ADAM10: variants seen among roughly 807,000 people sequenced by gnomAD.
ADAM10 encodes disintegrin and metalloproteinase domain-containing protein 10.
In ADAM10, 17 loss-of-function variants were observed where a neutral mutation model predicts 90.1. The observed-to-expected ratio is 0.19, with a 90% CI of 0.13 to 0.28. The LOEUF (loss-of-function observed/expected upper bound fraction) is 0.28. Ranked by LOEUF, ADAM10 falls within the 10% of genes least tolerant of loss-of-function variation. The probability of loss-of-function intolerance (pLI) is 1.00; values close to 1 mark genes in which losing one functional copy is unlikely to be tolerated. For synonymous variants in ADAM10, 310 were observed against 298.6 expected, an observed-to-expected ratio of 1.04 and a Z score of -0.40; for missense variants, 610 against 914.3, an observed-to-expected ratio of 0.67 and a Z score of 4.29.
At chr15:58,688,984 AATTTG>A (rs1897695278) in intron 2 of ADAM10, among the ~76,000 whole-genome samples, 1 of 151,310 alleles carries the variant, frequency 6.6e-6, no homozygotes, top group Non-Finnish European at 1.5e-5. Context: ...CAGAAAAAAA[AATTTG>A]ATAAAATGAT....
intron 2 of ADAM10, among the ~76,000 whole-genome samples, chr15:58,694,197 C>G (rs1897908397): frequency 6.6e-6 from 1 of 152,268 alleles, no homozygotes; most frequent in East Asian, 1.9e-4. Context: ...TGCCTATAAT[C>G]CCAGCACTCT....
chr15:58,721,229 G>C (rs1379133357), intron 1 of ADAM10, among the ~76,000 whole-genome samples: 1 of 152,058 alleles, frequency 6.6e-6, no homozygotes, highest in Non-Finnish European at 1.5e-5. Context: ...CACTTTCACT[G>C]GCAAAAGACC....
At chr15:58,665,497 C>A (rs560387544) in intron 4 of ADAM10, among the ~76,000 whole-genome samples, 131 of 152,160 alleles carry the variant, frequency 8.6e-4, no homozygotes, top group Middle Eastern at 3.4e-3. Flanking sequence ...TTGCATTCGG[C>A]TGTCACCAAG....
At chr15:58,691,222 T>C (rs769220677) in intron 2 of ADAM10, 46 of 843,418 alleles carry the variant, frequency 5.5e-5, no homozygotes, top group Non-Finnish European at 6.2e-5. Flanking sequence ...TTCTCAAACT[T>C]TACGTTGCTC....
At chr15:58,615,268 C>T (rs1308085664) in intron 11 of ADAM10, among the ~76,000 whole-genome samples, 6 of 127,574 alleles carry the variant, frequency 4.7e-5, no homozygotes, top group African/African-American at 1.3e-4. Context: ...AGCAAGAGTC[C>T]GTCTGAAGAA....
intron 10 of ADAM10, among the ~76,000 whole-genome samples, chr15:58,621,925 C>G (rs1019578416): frequency 7.2e-5 from 11 of 151,940 alleles, no homozygotes; most frequent in African/African-American, 2.7e-4. Flanking sequence ...ATTGACTGTT[C>G]TATTCATATC....
intron 8 of ADAM10, among the ~76,000 whole-genome samples, chr15:58,636,958 T>C (rs1896271303): frequency 6.6e-6 from 1 of 152,230 alleles, no homozygotes; most frequent in Non-Finnish European, 1.5e-5. Flanking sequence ...ACTACTCACA[T>C]GCAATGGGTA....
intron 1 of ADAM10, among the ~76,000 whole-genome samples, chr15:58,729,450 G>C (rs1177008379): frequency 5.3e-5 from 8 of 152,118 alleles, no homozygotes; most frequent in African/African-American, 1.7e-4. Flanking sequence ...CAGAATCCTA[G>C]GCTCCCAGCA....
intron 7 of ADAM10, among the ~76,000 whole-genome samples, chr15:58,642,122 A>T (rs182678046): frequency 1.7e-4 from 26 of 152,310 alleles, no homozygotes; most frequent in Admixed American, 1.7e-3. Context: ...TCTCCCACTA[A>T]ATATAAAAAT....
At chr15:58,742,940 T>C (rs1196549503) in intron 1 of ADAM10, among the ~76,000 whole-genome samples, 2 of 152,006 alleles carry the variant, frequency 1.3e-5, no homozygotes, top group African/African-American at 4.8e-5. Context: ...GTGCCTGTGG[T>C]CCCAGCTATG....
At chr15:58,627,616 A>G in intron 10 of ADAM10, 84 bp downstream of exon 10, 1 of 1,177,538 alleles carries the variant, frequency 8.5e-7, no homozygotes, top group Non-Finnish European at 1.3e-6. Context: ...GGTGGTGGGT[A>G]TGTCAGTAAT....
Position 58,610,465 on chromosome 15 carries a change from G to A in ADAM10, c.1857C>T (p.Phe619=). ...STGSVQWSRH[F]SGRTITLQPG... The stretch of plus-strand genomic sequence containing the variant: ...GTTGCAGGGTGATGGTTCGACCACT[G>A]AAGTGCCTACTCCACTGCACAGACC... The change falls in exon 14 of 16, where the codon TTC becomes TTT. Residue 619 remains phenylalanine, a synonymous_variant. Transcript: ENST00000260408. 6.2e-7 allele frequency: 1 copy of A among 1,614,132 alleles called. No individual in the cohort carries two copies. Among genetic ancestry groups the A allele is most frequent in the Non-Finnish European group, 8.5e-7 (1 of 1,180,020 alleles).
At chr15:58,642,284 G>A (rs1184140885) in intron 7 of ADAM10, among the ~76,000 whole-genome samples, 1 of 152,050 alleles carries the variant, frequency 6.6e-6, no homozygotes, top group Non-Finnish European at 1.5e-5. Context: ...TGGCCAACAT[G>A]GTGAAACCCT....
At chr15:58,738,587 G>C (rs1436533097) in intron 1 of ADAM10, among the ~76,000 whole-genome samples, 1 of 152,140 alleles carries the variant, frequency 6.6e-6, no homozygotes, top group African/African-American at 2.4e-5. Flanking sequence ...CCCACTTTTT[G>C]AAATCAGCTA....
intron 4 of ADAM10, among the ~76,000 whole-genome samples, chr15:58,666,608 C>T (rs543721735): frequency 2.4e-4 from 37 of 151,972 alleles, no homozygotes; most frequent in African/African-American, 8.2e-4. Flanking sequence ...GTTCTGTGAC[C>T]TTTAAAATCT....
intron 5 of ADAM10, among the ~76,000 whole-genome samples, chr15:58,657,302 T>A (rs1896851387): frequency 6.6e-6 from 1 of 152,196 alleles, no homozygotes; most frequent in Non-Finnish European, 1.5e-5. Context: ...TTTCTCTACC[T>A]CCTCTTTAAG....
intron 1 of ADAM10, among the ~76,000 whole-genome samples, chr15:58,731,624 T>C (rs1264880332): frequency 6.6e-6 from 1 of 151,848 alleles, no homozygotes; most frequent in Non-Finnish European, 1.5e-5. Context: ...TGAGACCCTG[T>C]CTCAAAAAAA....
intron 2 of ADAM10, chr15:58,698,491 G>A (rs1428143648): frequency 1.5e-4 from 36 of 245,160 alleles, no homozygotes; most frequent in Non-Finnish European, 1.3e-4. Flanking sequence ...TGGGAGGATC[G>A]CTTCAGCCCA....
chr15:58,671,378 A>C (rs1897186492), intron 4 of ADAM10, among the ~76,000 whole-genome samples: 1 of 152,202 alleles, frequency 6.6e-6, no homozygotes, highest in South Asian at 2.1e-4. Context: ...GCCTCTTTAG[A>C]AGCAGCTTTT....
Sources: allele counts gnomAD v4.1 joint callset (sites outside exome capture counted in the v4.1 genomes callset), GRCh38; gene constraint gnomAD v4.1.1; transcripts MANE v1.5; gene names NCBI Gene and HGNC (gene_info 2026-07-23, HGNC 2026-07-21).